CKAP2: variants seen among roughly 807,000 people sequenced by gnomAD.
CKAP2 encodes the protein cytoskeleton associated protein 2.
In CKAP2, 46 loss-of-function variants were observed where a neutral mutation model predicts 58.4. The ratio of observed to expected loss-of-function variants is 0.79; its 90% CI spans 0.62 to 1.01. The LOEUF is 1.01. Ranked by LOEUF, CKAP2 falls within the 50% of genes least tolerant of loss-of-function variation. The pLI is 0.00. For synonymous variants in CKAP2, 293 were observed against 280.9 expected, an observed-to-expected ratio of 1.04 and a Z score of -0.43; for missense variants, 809 against 796.4, an observed-to-expected ratio of 1.02 and a Z score of -0.19.
intron 7 of CKAP2, among the ~76,000 whole-genome samples, chr13:52,471,516 A>C (rs1222882870): frequency 6.6e-6 from 1 of 152,166 alleles, no homozygotes; most frequent in Non-Finnish European, 1.5e-5. Flanking sequence ...GTTAAAAAAA[A>C]AAAAAGGACA....
chr13:52,463,755 A>G (rs1958620738), intron 5 of CKAP2, among the ~76,000 whole-genome samples: 1 of 152,172 alleles, frequency 6.6e-6, no homozygotes, highest in South Asian at 2.1e-4. Flanking sequence ...TAAGATATTT[A>G]CTTCAGAGTC....
intron 6 of CKAP2, among the ~76,000 whole-genome samples, chr13:52,466,152 G>A (rs1421689359): frequency 6.6e-6 from 1 of 151,816 alleles, no homozygotes; most frequent in Non-Finnish European, 1.5e-5. Flanking sequence ...ATAGTGCCTC[G>A]ATACCATACT....
At chr13:52,459,203 G>A (rs1958532677) in intron 2 of CKAP2, among the ~76,000 whole-genome samples, 2 of 152,084 alleles carry the variant, frequency 1.3e-5, no homozygotes, top group South Asian at 4.1e-4. Flanking sequence ...TATAGTACAG[G>A]TTGTGTCAAA....
chr13:52,470,941 C>T (rs1023496679), intron 7 of CKAP2, among the ~76,000 whole-genome samples: 10 of 151,964 alleles, frequency 6.6e-5, no homozygotes, highest in African/African-American at 1.5e-4. Context: ...GGGTGGATCA[C>T]GAAGTCAAGA....
chr13:52,456,479 G>A lies in CKAP2; in HGVS notation c.71-44G>A, dbSNP rs367736031. 1.3e-5 allele frequency: 19 copies of A among 1,416,704 alleles called. No individual in the cohort carries two copies. The African/African-American group carries it at 2.6e-4, about 19-fold the overall frequency. 87.8% of individuals were successfully genotyped at this position (1,416,704 alleles called of 1,614,324 possible). On this transcript the variant is annotated intron_variant, in intron 1 of 8. Transcript: ENST00000258607. ...ACAAGATTTATTTGCCGTTATCGAT[G>A]TTTTAACTAATATTGACTTGTAGCT... is the stretch of plus-strand genomic sequence containing the variant.
intron 2 of CKAP2, 88 bp downstream of exon 2, chr13:52,456,695 T>A: frequency 9.8e-7 from 1 of 1,020,372 alleles, no homozygotes; most frequent in Non-Finnish European, 1.5e-6. Context: ...TCTGTAATTT[T>A]AAATTTTCTA....
chr13:52,467,100 C>CA (rs34473477), intron 6 of CKAP2, among the ~76,000 whole-genome samples: 3,333 of 110,578 alleles, frequency 0.03, 68 homozygotes, highest in African/African-American at 0.047. Context: ...CACCCTGTCT[C>CA]AAAAAAAAAA....
intron 7 of CKAP2, among the ~76,000 whole-genome samples, chr13:52,472,393 T>C (rs1958772497): frequency 6.6e-6 from 1 of 152,232 alleles, no homozygotes; most frequent in African/African-American, 2.4e-5. Flanking sequence ...TATATTCTTT[T>C]CTCTCCTTCA....
intron 4 of CKAP2, 22 bp from the exon 5 acceptor site, chr13:52,462,341 T>C (rs527918127): frequency 1.6e-5 from 26 of 1,597,238 alleles, no homozygotes; most frequent in Non-Finnish European, 2.1e-5. Flanking sequence ...AAAGTAACGT[T>C]TATATCTGCT....
In CKAP2 at chr13:52,455,489, C is replaced by A. The variant is rs886488678; in HGVS notation, c.-68C>A. 1.8e-5 allele frequency: 29 copies of A among 1,581,684 alleles called. No individual in the cohort carries two copies. The highest frequency in any genetic ancestry group is 2.3e-5 in the Non-Finnish European group (26 of 1,152,286). On this transcript the variant is annotated 5_prime_UTR_variant, in exon 1 of 9. Coordinates refer to ENST00000258607, the MANE Select transcript of CKAP2 (RefSeq NM_018204.5). Reference sequence around the variant, plus strand: ...GGCTTAGCCGCGGTGCAGACTGCGGCGGCGGTGGTCTGAGGAAGTTCTATC... The same window carrying A: ...GGCTTAGCCGCGGTGCAGACTGCGGAGGCGGTGGTCTGAGGAAGTTCTATC...
At position 52,456,032 on chromosome 13, in the gene CKAP2, C is replaced by T. The variant is rs539159671; in HGVS notation, c.70+406C>T. 25 of 1,044,444 alleles carry T rather than the reference C, an allele frequency of 2.4e-5. No individual in the cohort carries two copies. In the South Asian group the frequency reaches 1.0e-3, roughly 44 times the overall value. The allele number at this position is 1,044,444 out of a possible 1,614,324, so 64.7% of individuals were successfully genotyped here. ...TAGCGAATTTCTGCAGGGCTGGGGTCGCATCATGTGTTATTTCCAATTTCA... is the reference window on the plus strand; with the variant it reads ...TAGCGAATTTCTGCAGGGCTGGGGTTGCATCATGTGTTATTTCCAATTTCA... On this transcript the variant is annotated intron_variant, in intron 1 of 8. Transcript: ENST00000258607.
chr13:52,474,450 C>G (rs1019279513), intron 8 of CKAP2, among the ~76,000 whole-genome samples: 4 of 152,206 alleles, frequency 2.6e-5, no homozygotes, highest in African/African-American at 9.6e-5. Context: ...GATCATGCCA[C>G]TGTCCTCCAG....
rs768832199 is a variant in CKAP2 at position 52,455,580 on chromosome 13, G to A, written c.24G>A (p.Gln8=). The A allele has an allele frequency of 1.9e-6, 3 of 1,612,516 alleles. No homozygotes were observed. The highest frequency in any genetic ancestry group is 1.1e-5 in the South Asian group (1 of 91,074). MSTPAVP[Q]DLQLPPSQRA... ...CGATGAGCACACCGGCCGTGCCCCAGGACCTGCAGCTGCCCCCGAGTCAGA... is the reference window on the plus strand; with the variant it reads ...CGATGAGCACACCGGCCGTGCCCCAAGACCTGCAGCTGCCCCCGAGTCAGA... The change falls in exon 1 of 9, where the codon CAG becomes CAA. Residue 8 remains glutamine (Q), a synonymous_variant. Coordinates refer to ENST00000258607, the MANE Select transcript of CKAP2 (RefSeq NM_018204.5).
At chr13:52,467,278 TTGAA>T (rs1333118315) in intron 6 of CKAP2, among the ~76,000 whole-genome samples, 2 of 152,254 alleles carry the variant, frequency 1.3e-5, no homozygotes, top group African/African-American at 2.4e-5. Flanking sequence ...TTGTAAATTT[TTGAA>T]TGAATGAAGT....
chr13:52,458,258 T>G (rs565100229), intron 2 of CKAP2, among the ~76,000 whole-genome samples: 161 of 152,110 alleles, frequency 1.1e-3, no homozygotes, highest in Non-Finnish European at 1.4e-3. Flanking sequence ...TTGACTATGT[T>G]TGAGGTACCA....
chr13:52,461,719 G>A lies in CKAP2; in HGVS notation c.893G>A (p.Ser298Asn), dbSNP rs773134680. The A allele has an allele frequency of 2.3e-5, 37 of 1,613,658 alleles. 1 individual carries two copies. In the South Asian group the frequency reaches 3.6e-4, roughly 16 times the overall value. ...TTACAATCAAAAACAGCTTTATCTA[G>A]TGTCAAAACCAGTTCTTCTCAAGGT... ...ELLQSKTALS[S>N]VKTSSSQGII... Residue 298 changes from serine (S) to asparagine (N), a missense_variant, in exon 4 of 9, where the codon AGT (serine) becomes AAT (asparagine). This residue lies in a region of CKAP2 where 523 missense variants were observed against 492.4 expected (regional missense o/e 1.06). Coordinates refer to ENST00000258607, the MANE Select transcript of CKAP2 (RefSeq NM_018204.5).
chr13:52,465,188 T>C, intron 5 of CKAP2, 107 bp from the exon 6 acceptor site: 12 of 912,338 alleles, frequency 1.3e-5, no homozygotes, highest in Non-Finnish European at 2.0e-5. Flanking sequence ...TTTTTTGCTT[T>C]ATGCTTAGGG....
rs375430927 is a variant in CKAP2 at position 52,461,909 on chromosome 13, A to G, written c.1083A>G (p.Glu361=). The change falls in exon 4 of 9, where the codon GAA becomes GAG. Residue 361 remains glutamate, a synonymous_variant. Transcript: ENST00000258607. ...IVDSRSAQPK[E]TSEERKARLS... Reference sequence around the variant, plus strand: ...ATAGTAGATCAGCTCAGCCCAAAGAAACCTCGGAAGAGAGAAAGTAAGTAG... The same window carrying G: ...ATAGTAGATCAGCTCAGCCCAAAGAGACCTCGGAAGAGAGAAAGTAAGTAG... 15 of 1,600,144 alleles carry G rather than the reference A, an allele frequency of 9.4e-6. No homozygotes were observed. Among genetic ancestry groups the G allele is most frequent in the Non-Finnish European group, 1.3e-5 (15 of 1,175,716 alleles).
At chr13:52,467,028 G>A (rs545978944) in intron 6 of CKAP2, among the ~76,000 whole-genome samples, 2 of 150,808 alleles carry the variant, frequency 1.3e-5, no homozygotes, top group African/African-American at 4.9e-5. Flanking sequence ...CTTGAGCTCT[G>A]GGGTTCAAGA....
Sources: gnomAD v4.1 joint callset for allele counts (sites outside exome capture counted in the v4.1 genomes callset) on GRCh38, gnomAD v4.1.1 for gene constraint, gnomAD v4.1.1 regional missense constraint, MANE v1.5 for transcripts, NCBI Gene and HGNC (gene_info 2026-07-23, HGNC 2026-07-21) for gene names.